The following C6orf118 variants were observed in gnomAD, a reference collection of about 807,000 sequenced individuals.
The protein encoded by C6orf118 is uncharacterized protein C6orf118.
In C6orf118, 50 loss-of-function variants were observed where a neutral mutation model predicts 50.2. The ratio of observed to expected loss-of-function variants is 1.00; its 90% CI spans 0.79 to 1.26. C6orf118 has a LOEUF of 1.26. Among genes scored for constraint, C6orf118 ranks in the 50% most tolerant of loss-of-function variants. The pLI is 0.00. For synonymous variants in C6orf118, 239 were observed against 230.9 expected, an observed-to-expected ratio of 1.03 and a Z score of -0.32; for missense variants, 641 against 578.7, an observed-to-expected ratio of 1.11 and a Z score of -1.10.
chr6:165,291,520 G>T (rs745932095), intron 6 of C6orf118, among the ~76,000 whole-genome samples: 2 of 152,128 alleles, frequency 1.3e-5, no homozygotes, highest in African/African-American at 2.4e-5. Context: ...CATTGAAATA[G>T]CCAGGGGGAT....
At chr6:165,296,250 G>GTTTTTTTTTTT (rs56394079) in intron 5 of C6orf118, among the ~76,000 whole-genome samples, 13 of 103,384 alleles carry the variant, frequency 1.3e-4, no homozygotes, top group Non-Finnish European at 1.6e-4. Flanking sequence ...TTCGTTTTTT[G>GTTTTTTTTTTT]TTTTTTTTTT....
At position 165,301,600 on chromosome 6, in the gene C6orf118, G is replaced by A; in HGVS notation, c.722C>T (p.Ala241Val). The A allele has an allele frequency of 6.2e-7, 1 of 1,613,736 alleles. No homozygotes were observed. Residue 241 changes from alanine to valine, a missense_variant, in exon 2 of 9, where the codon GCG (alanine) becomes GTG (valine). Transcript: ENST00000230301. ...CAGCTTTCTCTCGTGGCCCGCGGCC[G>A]CCTTGCTCCCAGTGAAGTCATTCTT... Reference protein sequence around the residue: ...LLKNDFTGSKAAAGHERKLQQ... With the variant: ...LLKNDFTGSKVAAGHERKLQQ...
At chr6:165,308,669 C>A (rs1296803893) in intron 1 of C6orf118, among the ~76,000 whole-genome samples, 9 of 152,174 alleles carry the variant, frequency 5.9e-5, no homozygotes, top group Admixed American at 5.9e-4. Flanking sequence ...CTCCCACTGT[C>A]TATTCCACAG....
At chr6:165,281,785 T>A (rs1224815554) in intron 7 of C6orf118, 92 bp from the exon 8 acceptor site, 1 of 807,922 alleles carries the variant, frequency 1.2e-6, no homozygotes, top group Non-Finnish European at 1.8e-6. Flanking sequence ...TGAATGATAT[T>A]ATAATTTCAA....
intron 8 of C6orf118, 63 bp from the exon 9 acceptor site, chr6:165,280,173 A>G (rs1779680090): frequency 8.3e-7 from 1 of 1,197,746 alleles, no homozygotes; most frequent in African/African-American, 1.6e-5. Flanking sequence ...ATGAAATAAA[A>G]TTTCAAAATA....
chr6:165,307,490 G>A (rs1780783455), intron 1 of C6orf118, among the ~76,000 whole-genome samples: 3 of 151,860 alleles, frequency 2.0e-5, no homozygotes, highest in Non-Finnish European at 4.4e-5. Context: ...CCTGGGAGGT[G>A]GAGGTTGCAG....
At chr6:165,289,364 A>G (rs369271507) in intron 7 of C6orf118, among the ~76,000 whole-genome samples, 2 of 152,300 alleles carry the variant, frequency 1.3e-5, no homozygotes, top group South Asian at 4.1e-4. Context: ...AAAAAAAATC[A>G]TGTATTTCTT....
rs772053591 is a variant in C6orf118, at chr6:165,290,020, CAGTAAG to C, written c.1162_1167del (p.Leu388_Thr389del). 4 of 1,609,352 alleles carry C rather than the reference CAGTAAG, an allele frequency of 2.5e-6. No individual in the cohort carries two copies. Among genetic ancestry groups the C allele is most frequent in the Non-Finnish European group, 3.4e-6 (4 of 1,178,274 alleles). ...TCACACCTCTTCTTTTCAACCTTCT[CAGTAAG>C]AGTAAGTCGGTTTTCATCAATTATA... On this transcript the variant is annotated inframe_deletion, in exon 7 of 9. Transcript: ENST00000230301.
In C6orf118 at chr6:165,301,429, C is replaced by A. The variant is rs544662718; in HGVS notation, c.753+140G>T. On this transcript the variant is annotated intron_variant, in intron 2 of 8. Coordinates refer to ENST00000230301, the MANE Select transcript of C6orf118 (RefSeq NM_144980.4). ...AGAGCACTGCACCGCGAGGTCTGCA[C>A]CGAGAACACTGCCCCAAGAGCTATG... 128 of 1,216,412 alleles carry A rather than the reference C, an allele frequency of 1.1e-4. 3 individuals are homozygous for A. In the South Asian group the frequency reaches 1.7e-3, roughly 17 times the overall value. 75.4% of individuals were successfully genotyped at this position (1,216,412 alleles called of 1,614,324 possible).
At chr6:165,302,415 G>T (rs76269024) in intron 1 of C6orf118, 119 bp from the exon 2 acceptor site, 97 of 1,266,994 alleles carry the variant, frequency 7.7e-5, no homozygotes, top group Non-Finnish European at 9.9e-5. Flanking sequence ...AGAAACAGAC[G>T]AACAGAGTAC....
intron 7 of C6orf118, among the ~76,000 whole-genome samples, chr6:165,288,820 C>T (rs976070591): frequency 6.6e-6 from 1 of 151,952 alleles, no homozygotes; most frequent in Non-Finnish European, 1.5e-5. Flanking sequence ...GGAAAAATAG[C>T]TAATGCATGT....
chr6:165,287,682 G>T (rs1028621355), intron 7 of C6orf118, among the ~76,000 whole-genome samples: 6 of 152,162 alleles, frequency 3.9e-5, no homozygotes, highest in African/African-American at 1.4e-4. Flanking sequence ...AAGCAATGGG[G>T]AAAGGATTCC....
At chr6:165,299,675 A>G (rs917077721) in intron 3 of C6orf118, among the ~76,000 whole-genome samples, 173 bp from the exon 4 acceptor site, 2 of 152,228 alleles carry the variant, frequency 1.3e-5, no homozygotes, top group Non-Finnish European at 2.9e-5. Flanking sequence ...TGATAAAATC[A>G]CACCATCTTT....
rs367629185 is a variant in C6orf118 at position 165,299,508 on chromosome 6, C to G, written c.877-6G>C. ...ATGTAGAGTTCATATTCATCCTGTA[C>G]AGAAACAAACAAAAGTCCACTGGCC... On this transcript the variant is annotated splice_polypyrimidine_tract_variant and splice_region_variant and intron_variant, in intron 3 of 8. Coordinates refer to ENST00000230301, the MANE Select transcript of C6orf118 (RefSeq NM_144980.4). 28 of 1,613,670 alleles carry G rather than the reference C, an allele frequency of 1.7e-5. No individual in the cohort carries two copies. Among genetic ancestry groups the G allele is most frequent in the Non-Finnish European group, 2.4e-5 (28 of 1,179,794 alleles).
intron 1 of C6orf118, among the ~76,000 whole-genome samples, chr6:165,302,604 G>A (rs1023351106): frequency 2.6e-5 from 4 of 152,216 alleles, no homozygotes; most frequent in Non-Finnish European, 5.9e-5. Context: ...TACTAGCAAA[G>A]GCTCTGAAAG....
chr6:165,309,478 A>C lies in C6orf118; in HGVS notation c.25+84T>G, dbSNP rs947218694. 2.0e-6 allele frequency: 3 copies of C among 1,521,458 alleles called. No individual in the cohort carries two copies. The African/African-American group carries it at 4.1e-5, about 21-fold the overall frequency. 94.2% of individuals were successfully genotyped at this position (1,521,458 alleles called of 1,614,324 possible). A position where few individuals can be genotyped will look rare whatever the true frequency, so the allele number is the denominator to read the frequency against. On this transcript the variant is annotated intron_variant, in intron 1 of 8. Coordinates refer to ENST00000230301, the MANE Select transcript of C6orf118 (RefSeq NM_144980.4). ...ACCAGAAAAAGATTTTCACATTTCA[A>C]ATCAGTCTTCAGAAGCCCATCCCTC...
intron 5 of C6orf118, 111 bp downstream of exon 5, chr6:165,297,866 G>C (rs1562331253): frequency 3.2e-5 from 48 of 1,477,400 alleles, no homozygotes; most frequent in Non-Finnish European, 3.7e-5. Context: ...AGCAAAAGTA[G>C]CATGTTTTCA....
chr6:165,284,251 A>G (rs1249836771), intron 7 of C6orf118, among the ~76,000 whole-genome samples: 2 of 152,200 alleles, frequency 1.3e-5, no homozygotes, highest in Non-Finnish European at 2.9e-5. Flanking sequence ...TATCTTGCTG[A>G]AAAAAGGCAG....
At chr6:165,284,715 C>G (rs901790721) in intron 7 of C6orf118, among the ~76,000 whole-genome samples, 3 of 152,102 alleles carry the variant, frequency 2.0e-5, no homozygotes, top group African/African-American at 7.2e-5. Context: ...ATTTCATAAC[C>G]AACCAAAATA....
Sources: allele counts gnomAD v4.1 joint callset (sites outside exome capture counted in the v4.1 genomes callset), GRCh38; gene constraint gnomAD v4.1.1; transcripts MANE v1.5; gene names NCBI Gene and HGNC (gene_info 2026-07-23, HGNC 2026-07-21).